Variants in AMOTL1 observed in about 807,000 individuals in gnomAD.
AMOTL1 encodes the protein angiomotin like 1.
AMOTL1 carries 45 observed loss-of-function variants against 102.9 expected under a neutral mutation model. That is an observed-to-expected ratio of 0.44 (90% CI 0.34 to 0.56). AMOTL1 has a LOEUF of 0.56. AMOTL1 is among the 20% of genes least tolerant of loss of function. AMOTL1 has a pLI of 0.01. For synonymous variants in AMOTL1, 481 were observed against 484.7 expected, an observed-to-expected ratio of 0.99 and a Z score of 0.10; for missense variants, 1,114 against 1,225.6, an observed-to-expected ratio of 0.91 and a Z score of 1.36.
chr11:94,864,256 T>TAAC (rs1315412981), intron 9 of AMOTL1, among the ~76,000 whole-genome samples: 1 of 151,464 alleles, frequency 6.6e-6, no homozygotes, highest in Non-Finnish European at 1.5e-5. Flanking sequence ...AATACAATAA[T>TAAC]AATAATAATA....
chr11:94,819,457 C>A (rs1951824965), intron 3 of AMOTL1, among the ~76,000 whole-genome samples: 1 of 152,106 alleles, frequency 6.6e-6, no homozygotes, highest in African/African-American at 2.4e-5. Flanking sequence ...TTTTACTAAG[C>A]CAGACTAAGG....
At chr11:94,802,258 G>A (rs1273078111) in intron 3 of AMOTL1, among the ~76,000 whole-genome samples, 1 of 152,186 alleles carries the variant, frequency 6.6e-6, no homozygotes, top group African/African-American at 2.4e-5. Flanking sequence ...TTGCATCACA[G>A]TGATTTACCA....
chr11:94,749,135 C>G (rs1002696781), intron 3 of AMOTL1, among the ~76,000 whole-genome samples: 14 of 152,186 alleles, frequency 9.2e-5, no homozygotes, highest in African/African-American at 2.9e-4. Flanking sequence ...ACCATGGAAG[C>G]CATGGTGAGC....
At chr11:94,852,008 G>A (rs1475728614) in intron 7 of AMOTL1, among the ~76,000 whole-genome samples, 1 of 152,200 alleles carries the variant, frequency 6.6e-6, no homozygotes, top group Non-Finnish European at 1.5e-5. Flanking sequence ...TCTGCCCAGT[G>A]GAGACCAAAA....
chr11:94,787,360 G>C (rs1399698023), intron 1 of AMOTL1, among the ~76,000 whole-genome samples: 2 of 152,040 alleles, frequency 1.3e-5, no homozygotes, highest in Non-Finnish European at 2.9e-5. Flanking sequence ...TGGTGCCAAG[G>C]ATAGGTAGGG....
At chr11:94,772,780 A>G (rs773368033) in intron 1 of AMOTL1, among the ~76,000 whole-genome samples, 7 of 152,222 alleles carry the variant, frequency 4.6e-5, no homozygotes, top group Non-Finnish European at 8.8e-5. Flanking sequence ...TTTTTAAGAA[A>G]TTGCCAAACT....
chr11:94,712,078 T>C (rs1950029833), intron 1 of AMOTL1, among the ~76,000 whole-genome samples: 1 of 152,100 alleles, frequency 6.6e-6, no homozygotes, highest in Admixed American at 6.6e-5. Context: ...ATATGAGTAA[T>C]AGAGTTTCTG....
At chr11:94,820,572 C>CA (rs1398106184) in intron 3 of AMOTL1, among the ~76,000 whole-genome samples, 1 of 152,232 alleles carries the variant, frequency 6.6e-6, no homozygotes, top group Non-Finnish European at 1.5e-5. Flanking sequence ...TTTCCGCAGA[C>CA]AATCGCGGGG....
chr11:94,787,985 A>C (rs187484776), intron 1 of AMOTL1, among the ~76,000 whole-genome samples: 118 of 152,288 alleles, frequency 7.7e-4, no homozygotes, highest in African/African-American at 2.7e-3. Flanking sequence ...GTCACCATAG[A>C]GACTGCTGCT....
chr11:94,781,544 C>G (rs981059609), intron 1 of AMOTL1, among the ~76,000 whole-genome samples: 1 of 152,188 alleles, frequency 6.6e-6, no homozygotes, highest in Non-Finnish European at 1.5e-5. Flanking sequence ...CCTAAAAACT[C>G]TCTTCATAAT....
chr11:94,818,373 A>G (rs1229690781), intron 3 of AMOTL1, among the ~76,000 whole-genome samples: 1 of 152,226 alleles, frequency 6.6e-6, no homozygotes, highest in Non-Finnish European at 1.5e-5. Context: ...AATTCACCCA[A>G]TTAGTACAGG....
At chr11:94,793,870 G>A (rs1239037459) in intron 1 of AMOTL1, among the ~76,000 whole-genome samples, 3 of 152,192 alleles carry the variant, frequency 2.0e-5, no homozygotes, top group Non-Finnish European at 4.4e-5. Context: ...AAAAATTCTT[G>A]TCAGAATCCT....
chr11:94,779,015 C>A (rs537531335), intron 1 of AMOTL1, among the ~76,000 whole-genome samples: 1 of 151,804 alleles, frequency 6.6e-6, no homozygotes, highest in Admixed American at 6.6e-5. Flanking sequence ...CCTCTATCTT[C>A]TCTTGGCCAA....
chr11:94,768,866 G>T (rs1423130544), intron 1 of AMOTL1, among the ~76,000 whole-genome samples: 2 of 151,862 alleles, frequency 1.3e-5, no homozygotes, highest in East Asian at 2.0e-4. Flanking sequence ...CCTGAGGGGC[G>T]CAGCCATATG....
At chr11:94,790,436 G>C (rs1361255197) in intron 1 of AMOTL1, among the ~76,000 whole-genome samples, 1 of 152,142 alleles carries the variant, frequency 6.6e-6, no homozygotes, top group African/African-American at 2.4e-5. Flanking sequence ...AGGGCATGGG[G>C]GATGGTGTTG....
intron 3 of AMOTL1, among the ~76,000 whole-genome samples, chr11:94,820,710 T>C (rs577403710): frequency 7.9e-5 from 12 of 152,300 alleles, no homozygotes; most frequent in African/African-American, 2.9e-4. Context: ...GTAGGAGCCC[T>C]GAGCTTGTTT....
At chr11:94,711,665 A>G (rs1165791433) in intron 1 of AMOTL1, among the ~76,000 whole-genome samples, 1 of 152,138 alleles carries the variant, frequency 6.6e-6, no homozygotes, top group East Asian at 1.9e-4. Context: ...TTATTTCAAG[A>G]ATGTTATATA....
At chr11:94,752,338 G>C (rs1043561193) in intron 3 of AMOTL1, among the ~76,000 whole-genome samples, 4 of 152,112 alleles carry the variant, frequency 2.6e-5, no homozygotes, top group Non-Finnish European at 2.9e-5. Context: ...AAAAGGCAGT[G>C]CTTGCCTTCC....
At chr11:94,821,429 T>G in intron 3 of AMOTL1, 101 bp from the exon 4 acceptor site, 1 of 1,293,060 alleles carries the variant, frequency 7.7e-7, no homozygotes, top group Non-Finnish European at 1.1e-6. Context: ...ACTGATGGCC[T>G]CTGACCATGG....
Sources: allele counts gnomAD v4.1 joint callset (sites outside exome capture counted in the v4.1 genomes callset), GRCh38; gene constraint gnomAD v4.1.1; transcripts MANE v1.5; gene names NCBI Gene and HGNC (gene_info 2026-07-23, HGNC 2026-07-21).